The following PHF24 variants were observed in gnomAD, a reference collection of about 807,000 sequenced individuals.
The protein encoded by PHF24 is PHD finger protein 24.
In PHF24, 25 loss-of-function variants were observed where a neutral mutation model predicts 42.6. That is an observed-to-expected ratio of 0.59 (90% CI 0.43 to 0.82). The LOEUF (loss-of-function observed/expected upper bound fraction) is 0.82, where lower values mean the gene tolerates loss of function less well. PHF24 is among the 40% of genes least tolerant of loss of function. The pLI is 0.00. For synonymous variants in PHF24, 185 were observed against 204.8 expected, an observed-to-expected ratio of 0.90 and a Z score of 0.83; for missense variants, 470 against 538.1, an observed-to-expected ratio of 0.87 and a Z score of 1.25.
chr9:34,794,229 A>G, the PHF24 span, among the ~76,000 whole-genome samples: 1 of 152,158 alleles, frequency 6.6e-6, no homozygotes, highest in Admixed American at 6.5e-5. Flanking sequence ...TGCAAGAAAA[A>G]TCGGAGTAGC....
At chr9:34,936,754 G>A in the PHF24 span, among the ~76,000 whole-genome samples, 8 of 150,748 alleles carry the variant, frequency 5.3e-5, no homozygotes, top group African/African-American at 1.7e-4. Context: ...ACCTCTGCCC[G>A]GCCGCGACCC....
the PHF24 span, among the ~76,000 whole-genome samples, chr9:34,769,868 G>A: frequency 6.6e-6 from 1 of 152,032 alleles, no homozygotes; most frequent in Admixed American, 6.6e-5. Context: ...AAAAAGATAG[G>A]CAAATTCATA....
At chr9:34,941,857 C>T in the PHF24 span, among the ~76,000 whole-genome samples, 1 of 152,124 alleles carries the variant, frequency 6.6e-6, no homozygotes, top group Non-Finnish European at 1.5e-5. Flanking sequence ...ATACCATCAC[C>T]TTGGGGGTTA....
the PHF24 span, among the ~76,000 whole-genome samples, chr9:34,679,056 A>G: frequency 6.6e-6 from 1 of 152,250 alleles, no homozygotes; most frequent in Non-Finnish European, 1.5e-5. Context: ...CCTCTCTTGC[A>G]TCTAAGAAAG....
chr9:34,805,769 C>T, the PHF24 span, among the ~76,000 whole-genome samples: 1,267 of 152,180 alleles, frequency 8.3e-3, 12 homozygotes, highest in Middle Eastern at 0.037. Context: ...GGTGTCATAT[C>T]CAAGAAGTCA....
At chr9:34,857,564 A>C in the PHF24 span, among the ~76,000 whole-genome samples, 1 of 152,178 alleles carries the variant, frequency 6.6e-6, no homozygotes, top group Non-Finnish European at 1.5e-5. Context: ...TGCTGGATCC[A>C]TGCCACTCCT....
the PHF24 span, among the ~76,000 whole-genome samples, chr9:34,797,087 G>A: frequency 6.6e-5 from 10 of 152,166 alleles, no homozygotes; most frequent in African/African-American, 2.2e-4. Flanking sequence ...GTTGCAACAG[G>A]ATAGCTTCCC....
At chr9:34,834,113 G>A in the PHF24 span, 31 of 1,389,074 alleles carry the variant, frequency 2.2e-5, 1 homozygote, top group South Asian at 2.8e-4. Context: ...ATGTAGGTCT[G>A]GGTCACTTGC....
chr9:34,748,771 A>G, the PHF24 span, among the ~76,000 whole-genome samples: 6 of 152,164 alleles, frequency 3.9e-5, no homozygotes, highest in Non-Finnish European at 8.8e-5. Context: ...TACAATAAAT[A>G]CCTAACTCTT....
the PHF24 span, among the ~76,000 whole-genome samples, chr9:34,768,326 A>G: frequency 2.0e-5 from 3 of 152,228 alleles, no homozygotes; most frequent in African/African-American, 7.2e-5. Context: ...TATGGGCCTC[A>G]GCAAGACCAG....
At chr9:34,733,086 A>G in the PHF24 span, among the ~76,000 whole-genome samples, 1 of 152,330 alleles carries the variant, frequency 6.6e-6, no homozygotes, top group East Asian at 1.9e-4. Flanking sequence ...TGTATTTTAA[A>G]TGTTGATATT....
At chr9:34,793,308 T>A in the PHF24 span, among the ~76,000 whole-genome samples, 1 of 152,194 alleles carries the variant, frequency 6.6e-6, no homozygotes, top group Non-Finnish European at 1.5e-5. Context: ...GTCAACCCCA[T>A]GGATACAATT....
the PHF24 span, among the ~76,000 whole-genome samples, chr9:34,876,921 T>A: frequency 6.6e-6 from 1 of 152,082 alleles, no homozygotes; most frequent in Admixed American, 6.6e-5. Flanking sequence ...GAAACAAAGA[T>A]GAAATGGATA....
At chr9:34,762,311 C>A in the PHF24 span, among the ~76,000 whole-genome samples, 8 of 146,208 alleles carry the variant, frequency 5.5e-5, no homozygotes, top group African/African-American at 1.0e-4. Context: ...ACAGTCCCAC[C>A]AACAGTGTAA....
intron 1 of PHF24, among the ~76,000 whole-genome samples, chr9:34,966,316 C>T (rs1051822124): frequency 1.3e-5 from 2 of 152,170 alleles, no homozygotes; most frequent in Admixed American, 6.5e-5. Context: ...GCTGGGCACT[C>T]TGGCTGGAAC....
the PHF24 span, among the ~76,000 whole-genome samples, chr9:34,788,724 G>C: frequency 1.0e-3 from 155 of 152,260 alleles, no homozygotes; most frequent in African/African-American, 3.5e-3. Context: ...GAGCAGGAGG[G>C]TGAGCCCCTG....
chr9:34,907,748 A>C, the PHF24 span, among the ~76,000 whole-genome samples: 1 of 151,550 alleles, frequency 6.6e-6, no homozygotes, highest in African/African-American at 2.4e-5. Flanking sequence ...GTCTTTGTTT[A>C]GTTTTTTTTC....
the PHF24 span, chr9:34,917,593 C>T: frequency 1.3e-6 from 1 of 775,542 alleles, no homozygotes; most frequent in Non-Finnish European, 2.4e-6. Flanking sequence ...AATATACCCT[C>T]ATGGGGACAA....
the PHF24 span, among the ~76,000 whole-genome samples, chr9:34,846,666 T>A: frequency 2.6e-5 from 4 of 152,356 alleles, no homozygotes; most frequent in South Asian, 2.1e-4. Context: ...AGACATGAAG[T>A]CCTTGCCCAT....
Sources: gnomAD v4.1 joint callset for allele counts (sites outside exome capture counted in the v4.1 genomes callset) on GRCh38, gnomAD v4.1.1 for gene constraint, MANE v1.5 for transcripts, NCBI Gene and HGNC (gene_info 2026-07-23, HGNC 2026-07-21) for gene names.